SENP7: variants seen among roughly 807,000 people sequenced by gnomAD.
SENP7 encodes sentrin-specific protease 7.
SENP7 carries 64 observed loss-of-function variants against 141.2 expected under a neutral mutation model. That is an observed-to-expected ratio of 0.45 (90% CI 0.37 to 0.56). SENP7 has a LOEUF of 0.56. SENP7 is among the 20% of genes least tolerant of loss of function. The pLI is 0.00. For synonymous variants in SENP7, 382 were observed against 426.4 expected, an observed-to-expected ratio of 0.90 and a Z score of 1.28; for missense variants, 1,025 against 1,212.2, an observed-to-expected ratio of 0.85 and a Z score of 2.29.
At position 101,470,335 on chromosome 3, in the gene SENP7, C is replaced by A. The variant is rs182598857; in HGVS notation, c.187-11283G>T. 5.9e-5 allele frequency among the ~76,000 whole-genome samples: 9 copies of A among 152,298 alleles called. No homozygotes were observed. The East Asian group carries it at 1.2e-3, about 20-fold the overall frequency. On this transcript the variant is annotated intron_variant, in intron 3 of 23. Coordinates refer to ENST00000394095, the MANE Select transcript of SENP7 (RefSeq NM_020654.5). ...TCAAGTCGGCTTCATCCCTGGCATG[C>A]AAAGCTGGTTCAACATATGCAAATC...
intron 5 of SENP7, among the ~76,000 whole-genome samples, chr3:101,412,109 C>T (rs1218188422): frequency 1.3e-5 from 2 of 152,072 alleles, no homozygotes; most frequent in African/African-American, 4.8e-5. Flanking sequence ...TAACATACAA[C>T]TTCATATATA....
At chr3:101,329,322 A>G (rs2058984062) in intron 20 of SENP7, among the ~76,000 whole-genome samples, 1 of 152,200 alleles carries the variant, frequency 6.6e-6, no homozygotes. Context: ...ATATTCTAAG[A>G]AACTCAATTT....
At chr3:101,504,373 C>T (rs1028891897) in intron 1 of SENP7, among the ~76,000 whole-genome samples, 3 of 150,930 alleles carry the variant, frequency 2.0e-5, no homozygotes, top group African/African-American at 4.9e-5. Flanking sequence ...ACAGGAAAAT[C>T]GCTCAAACCC....
intron 4 of SENP7, among the ~76,000 whole-genome samples, chr3:101,440,564 T>C (rs1193824950): frequency 2.6e-5 from 3 of 116,728 alleles, no homozygotes; most frequent in Non-Finnish European, 5.1e-5. Context: ...CCAAGAATTA[T>C]CAATAAAAAA....
intron 13 of SENP7, among the ~76,000 whole-genome samples, chr3:101,345,940 C>G (rs1021746907): frequency 1.3e-5 from 2 of 152,166 alleles, no homozygotes; most frequent in Non-Finnish European, 2.9e-5. Flanking sequence ...AACTAAAGAG[C>G]TTTTGCATGG....
chr3:101,471,256 A>G (rs552085473), intron 3 of SENP7, among the ~76,000 whole-genome samples: 2 of 152,324 alleles, frequency 1.3e-5, no homozygotes, highest in South Asian at 4.1e-4. Flanking sequence ...AAACTATACT[A>G]CAAGGCTACA....
chr3:101,492,238 G>A (rs1402268421), intron 3 of SENP7, among the ~76,000 whole-genome samples: 2 of 152,122 alleles, frequency 1.3e-5, no homozygotes, highest in Non-Finnish European at 2.9e-5. Context: ...AGCTAAGCAT[G>A]GTGGTGCATG....
rs144448975 is a variant in SENP7, at chr3:101,327,591, G to A, written c.3015+75C>T. On this transcript the variant is annotated intron_variant, in intron 23 of 23. Transcript: ENST00000394095. The stretch of plus-strand genomic sequence containing the variant: ...ATGTCTTTATTAGCAGCATGAGAAC[G>A]GACTATTACACCCAGTAACTTGTGA... 7.4e-5 allele frequency: 82 copies of A among 1,112,404 alleles called. No homozygotes were observed. In the African/African-American group the frequency reaches 1.1e-3, roughly 14 times the overall value. The allele number at this position is 1,112,404 out of a possible 1,614,324, so 68.9% of individuals were successfully genotyped here.
chr3:101,451,473 C>T (rs552922327), intron 4 of SENP7, among the ~76,000 whole-genome samples: 2 of 152,196 alleles, frequency 1.3e-5, no homozygotes, highest in Non-Finnish European at 2.9e-5. Context: ...CAATAGAACA[C>T]TGGCAAACCG....
intron 4 of SENP7, chr3:101,457,123 A>G: frequency 2.8e-6 from 2 of 725,288 alleles, no homozygotes; most frequent in Admixed American, 2.2e-5. Context: ...GGGCTTAAAA[A>G]TATTAGAGAT....
intron 1 of SENP7, among the ~76,000 whole-genome samples, chr3:101,512,208 C>G (rs1480480092): frequency 6.6e-6 from 1 of 152,190 alleles, no homozygotes; most frequent in Admixed American, 6.5e-5. Context: ...ATTCATTGGG[C>G]GTTCGTTTGT....
chr3:101,475,533 C>G (rs1386524229), intron 3 of SENP7, among the ~76,000 whole-genome samples: 1 of 152,112 alleles, frequency 6.6e-6, no homozygotes, highest in Non-Finnish European at 1.5e-5. Context: ...ATAATACACA[C>G]TGGAGCCTGT....
intron 11 of SENP7, chr3:101,357,193 G>T (rs558766229): frequency 4.4e-5 from 10 of 226,280 alleles, no homozygotes; most frequent in Admixed American, 1.1e-4. Flanking sequence ...TAGAGACAAG[G>T]TTTCACCATG....
intron 6 of SENP7, among the ~76,000 whole-genome samples, chr3:101,397,398 G>T (rs1306913788): frequency 1.3e-5 from 2 of 152,176 alleles, no homozygotes; most frequent in Non-Finnish European, 2.9e-5. Flanking sequence ...CTCCCAAAGG[G>T]CTAGGATTAT....
At position 101,345,050 on chromosome 3, in the gene SENP7, C is replaced by A. The variant is rs1443000612; in HGVS notation, c.1838-1096G>T. On this transcript the variant is annotated intron_variant, in intron 13 of 23. Coordinates refer to ENST00000394095, the MANE Select transcript of SENP7 (RefSeq NM_020654.5). ...AAAGAATTTGGGCTTATTCTGGGTT[C>A]TCTATTCTGTTTCATTGGTCTATTT... Among the ~76,000 whole-genome samples the A allele has an allele frequency of 2.2e-5, 3 of 138,668 alleles. No individual in the cohort carries two copies. In the East Asian group the frequency reaches 6.7e-4, roughly 31 times the overall value. 91.0% of individuals were successfully genotyped at this position (138,668 alleles called of 152,430 possible).
intron 5 of SENP7, among the ~76,000 whole-genome samples, chr3:101,407,436 C>T (rs2061336214): frequency 6.6e-6 from 1 of 152,164 alleles, no homozygotes; most frequent in Non-Finnish European, 1.5e-5. Flanking sequence ...AACAAATGGA[C>T]TTAATGGATA....
chr3:101,513,212 GGAAAAAAAAAAAAAAAAAAAA>G (rs2065942834), upstream of SENP7: 57 of 135,998 alleles, frequency 4.2e-4, 1 homozygote, highest in Admixed American at 4.4e-3. Flanking sequence ...GGAGGGGAAA[GGAAAAAAAAAAAAAAAAAAAA>G]AAAAAAAAAA....
At chr3:101,408,158 T>C (rs1484161868) in intron 5 of SENP7, among the ~76,000 whole-genome samples, 1 of 152,114 alleles carries the variant, frequency 6.6e-6, no homozygotes, top group African/African-American at 2.4e-5. Flanking sequence ...AACACCTTTA[T>C]ACTCATAAAC....
At chr3:101,395,199 T>A (rs1439937004) in intron 6 of SENP7, among the ~76,000 whole-genome samples, 1 of 152,190 alleles carries the variant, frequency 6.6e-6, no homozygotes, top group Non-Finnish European at 1.5e-5. Flanking sequence ...CTGTGTGAGG[T>A]CTAAGTCAAA....
Sources: allele counts gnomAD v4.1 joint callset (sites outside exome capture counted in the v4.1 genomes callset), GRCh38; gene constraint gnomAD v4.1.1; transcripts MANE v1.5; gene names NCBI Gene and HGNC (gene_info 2026-07-23, HGNC 2026-07-21).